The following TTC29 variants were observed in gnomAD, a reference collection of about 807,000 sequenced individuals.
The protein encoded by TTC29 is tetratricopeptide repeat protein 29.
In TTC29, 49 loss-of-function variants were observed where a neutral mutation model predicts 58.1. The observed-to-expected ratio is 0.84, with a 90% confidence interval of 0.67 to 1.07. The LOEUF (loss-of-function observed/expected upper bound fraction) is 1.07. Ranked by LOEUF, TTC29 falls within the 50% of genes least tolerant of loss-of-function variation. The pLI is 0.00. For missense variants in TTC29, 582 were observed against 555.6 expected (o/e 1.05, Z -0.48); for synonymous variants, 209 against 196.8 (o/e 1.06, Z -0.52).
At chr4:146,839,572 G>GTA (rs1554021500) in intron 8 of TTC29, among the ~76,000 whole-genome samples, 2 of 149,086 alleles carry the variant, frequency 1.3e-5, no homozygotes, top group East Asian at 3.9e-4. Flanking sequence ...GTGTGTGTGT[G>GTA]TAAGTTTTAT....
intron 5 of TTC29, among the ~76,000 whole-genome samples, chr4:146,907,930 A>C (rs949742235): frequency 6.6e-6 from 1 of 152,144 alleles, no homozygotes; most frequent in Non-Finnish European, 1.5e-5. Flanking sequence ...AACCCTTTTC[A>C]TAATATACAT....
intron 11 of TTC29, among the ~76,000 whole-genome samples, chr4:146,770,283 T>C (rs557287479): frequency 5.9e-5 from 9 of 152,004 alleles, no homozygotes; most frequent in Non-Finnish European, 1.3e-4. Context: ...GATGATCTAG[T>C]AGATCTGAGT....
chr4:146,903,430 C>T (rs1392734194), intron 6 of TTC29, 114 bp downstream of exon 6: 2 of 947,508 alleles, frequency 2.1e-6, no homozygotes, highest in Non-Finnish European at 3.1e-6. Flanking sequence ...CAATAATATA[C>T]ATGATTATGC....
intron 6 of TTC29, among the ~76,000 whole-genome samples, chr4:146,901,493 G>A (rs1733145098): frequency 6.6e-6 from 1 of 152,016 alleles, no homozygotes; most frequent in South Asian, 2.1e-4. Flanking sequence ...CCTCACCTTG[G>A]CCTACAAGCC....
At chr4:146,714,385 C>T (rs1742765002) in intron 11 of TTC29, among the ~76,000 whole-genome samples, 2 of 151,702 alleles carry the variant, frequency 1.3e-5, no homozygotes, top group South Asian at 4.2e-4. Context: ...GAAAGAGAGT[C>T]AAAAAGATGA....
At chr4:146,814,567 A>C (rs1189592185) in intron 10 of TTC29, among the ~76,000 whole-genome samples, 1 of 152,044 alleles carries the variant, frequency 6.6e-6, no homozygotes, top group Non-Finnish European at 1.5e-5. Flanking sequence ...ATCTACTAAA[A>C]ATACAAAAAT....
At chr4:146,905,427 G>A (rs1560704390) in intron 5 of TTC29, among the ~76,000 whole-genome samples, 1 of 142,100 alleles carries the variant, frequency 7.0e-6, no homozygotes, top group Non-Finnish European at 1.5e-5. Context: ...ATTTCATAAG[G>A]TTTTTTTTTT....
intron 11 of TTC29, among the ~76,000 whole-genome samples, chr4:146,741,179 G>C (rs929857072): frequency 1.3e-5 from 2 of 152,208 alleles, no homozygotes; most frequent in African/African-American, 4.8e-5. Flanking sequence ...GCAAACACAT[G>C]ATACGTAAGT....
At position 146,780,287 on chromosome 4, in the gene TTC29, G is replaced by A. The variant is rs898728591; in HGVS notation, c.1330+23170C>T. Among the ~76,000 whole-genome samples the A allele has an allele frequency of 2.7e-4, 39 of 143,774 alleles. No homozygotes were observed. In the East Asian group the frequency reaches 4.8e-3, roughly 18 times the overall value. The allele number at this position is 143,774 out of a possible 152,430, so 94.3% of individuals were successfully genotyped here. A position where few individuals can be genotyped will look rare whatever the true frequency, so the allele number is the denominator to read the frequency against. ...GTCAAATGAGTCATTTTCTGAATGA[G>A]TCTTCCTAACTTGGGGTGTGTGTGT... On this transcript the variant is annotated intron_variant, in intron 11 of 12. Transcript: ENST00000325106.
At chr4:146,915,098 C>T (rs1734135444) in intron 4 of TTC29, among the ~76,000 whole-genome samples, 1 of 152,016 alleles carries the variant, frequency 6.6e-6, no homozygotes, top group Non-Finnish European at 1.5e-5. Flanking sequence ...ATTAAAAAAC[C>T]TGTCTTCAGT....
chr4:146,709,166 T>G (rs1319343002), intron 11 of TTC29, among the ~76,000 whole-genome samples: 2 of 152,156 alleles, frequency 1.3e-5, no homozygotes, highest in Non-Finnish European at 2.9e-5. Flanking sequence ...TAAGTCTCAA[T>G]TCCTTGACCT....
intron 11 of TTC29, among the ~76,000 whole-genome samples, chr4:146,749,957 G>A (rs1289479245): frequency 1.3e-5 from 2 of 152,122 alleles, no homozygotes; most frequent in African/African-American, 4.8e-5. Flanking sequence ...AAACGAAGGA[G>A]AAATAAAGTC....
intron 6 of TTC29, among the ~76,000 whole-genome samples, chr4:146,888,462 T>C (rs1732137491): frequency 6.6e-6 from 1 of 152,146 alleles, no homozygotes; most frequent in Non-Finnish European, 1.5e-5. Context: ...CAGTTTTACA[T>C]GGGGATTCAC....
At chr4:146,750,614 A>G (rs531183711) in intron 11 of TTC29, among the ~76,000 whole-genome samples, 78 of 152,354 alleles carry the variant, frequency 5.1e-4, no homozygotes, top group African/African-American at 1.8e-3. Context: ...GTATAAGTCT[A>G]GAGGTTTTGT....
In TTC29 at chr4:146,803,646, A is replaced by G; in HGVS notation, c.1141T>C (p.Phe381Leu). ...CTCATTAGCTCTACTGTTGTGTCAA[A>G]AGCTTGCTGAAAGCATTCAGAAGCT... is the stretch of plus-strand genomic sequence containing the variant. ...NKASECFQQA[F>L]DTTVELMSMP... The change falls in exon 11 of 13, where the codon TTT (phenylalanine) becomes CTT (leucine). Residue 381 changes from phenylalanine (F) to leucine (L), a missense_variant. Physicochemically the swap from Phe to Leu is conservative, Grantham distance 22. Coordinates refer to ENST00000325106, the MANE Select transcript of TTC29 (RefSeq NM_031956.4). 4 of 1,600,858 alleles carry G rather than the reference A, an allele frequency of 2.5e-6. No individual in the cohort carries two copies. Among genetic ancestry groups the G allele is most frequent in the Non-Finnish European group, 3.4e-6 (4 of 1,171,040 alleles).
At chr4:146,864,282 C>T (rs1030025772) in intron 8 of TTC29, among the ~76,000 whole-genome samples, 2 of 152,090 alleles carry the variant, frequency 1.3e-5, no homozygotes, top group Non-Finnish European at 2.9e-5. Context: ...GGCCCATCTT[C>T]GCACCTCTGT....
At chr4:146,896,542 G>A (rs906324872) in intron 6 of TTC29, among the ~76,000 whole-genome samples, 3 of 152,136 alleles carry the variant, frequency 2.0e-5, no homozygotes, top group African/African-American at 7.2e-5. Context: ...ATTGTGACTA[G>A]AGCATGAAAA....
chr4:146,733,979 A>G (rs536936703), intron 11 of TTC29, among the ~76,000 whole-genome samples: 1 of 152,310 alleles, frequency 6.6e-6, no homozygotes, highest in Non-Finnish European at 1.5e-5. Context: ...AGAGAAAATG[A>G]TAAAGTAAGC....
At chr4:146,783,451 T>C (rs1748770680) in intron 11 of TTC29, among the ~76,000 whole-genome samples, 1 of 151,924 alleles carries the variant, frequency 6.6e-6, no homozygotes, top group Admixed American at 6.6e-5. Flanking sequence ...AAATGGAGCA[T>C]ATGTGGGGAT....
Sources: allele counts gnomAD v4.1 joint callset (sites outside exome capture counted in the v4.1 genomes callset), GRCh38; gene constraint gnomAD v4.1.1; transcripts MANE v1.5; gene names NCBI Gene and HGNC (gene_info 2026-07-23, HGNC 2026-07-21).